The following ADAM23 variants were observed in gnomAD, a reference collection of about 807,000 sequenced individuals.
The protein encoded by ADAM23 is ADAM metallopeptidase domain 23.
Under a neutral mutation model 120.1 loss-of-function variants are expected in ADAM23, and 33 were observed. The ratio of observed to expected loss-of-function variants is 0.27; its 90% CI spans 0.21 to 0.37. The LOEUF (loss-of-function observed/expected upper bound fraction) is 0.37, where lower values mean the gene tolerates loss of function less well. Ranked by LOEUF, ADAM23 falls within the 10% of genes least tolerant of loss-of-function variation. ADAM23 has a pLI of 1.00. For missense variants in ADAM23, 862 were observed against 1,058.2 expected (o/e 0.81, Z 2.57); for synonymous variants, 367 against 375.2 (o/e 0.98, Z 0.25).
intron 3 of ADAM23, among the ~76,000 whole-genome samples, chr2:206,499,485 G>A (rs1696335165): frequency 2.2e-5 from 3 of 138,006 alleles, no homozygotes; most frequent in South Asian, 2.6e-4. Context: ...ACACACCAGG[G>A]ACTGTTGTGG....
At chr2:206,532,516 T>A (rs1697085532) in intron 4 of ADAM23, among the ~76,000 whole-genome samples, 1 of 152,104 alleles carries the variant, frequency 6.6e-6, no homozygotes, top group Non-Finnish European at 1.5e-5. Context: ...TCACTGCTTT[T>A]CTCTCTTTCA....
chr2:206,591,730 T>C (rs1698429926), intron 21 of ADAM23, among the ~76,000 whole-genome samples: 2 of 152,230 alleles, frequency 1.3e-5, no homozygotes, highest in Non-Finnish European at 2.9e-5. Context: ...TCAGACTGTT[T>C]TCTAAAATGG....
intron 25 of ADAM23, among the ~76,000 whole-genome samples, chr2:206,615,974 C>T (rs1698928605): frequency 6.6e-6 from 1 of 152,138 alleles, no homozygotes; most frequent in Admixed American, 6.5e-5. Flanking sequence ...GCTTGGTTTG[C>T]CCTTTCCTCT....
intron 24 of ADAM23, among the ~76,000 whole-genome samples, chr2:206,603,983 T>A (rs1347302788): frequency 2.7e-5 from 4 of 149,546 alleles, no homozygotes; most frequent in Middle Eastern, 3.5e-3. Flanking sequence ...AAAAAAGTTA[T>A]GACCAGGCAC....
chr2:206,457,611 A>G (rs1388666995), intron 2 of ADAM23, among the ~76,000 whole-genome samples: 3 of 152,072 alleles, frequency 2.0e-5, no homozygotes, highest in African/African-American at 7.2e-5. Context: ...CCAGATAAAT[A>G]ACCTTGTTTA....
At chr2:206,524,982 C>A (rs933351823) in intron 3 of ADAM23, among the ~76,000 whole-genome samples, 1 of 152,186 alleles carries the variant, frequency 6.6e-6, no homozygotes, top group African/African-American at 2.4e-5. Context: ...CCATGTAGAA[C>A]TCGATGTGTA....
At chr2:206,603,944 A>G (rs541576233) in intron 24 of ADAM23, among the ~76,000 whole-genome samples, 4 of 151,634 alleles carry the variant, frequency 2.6e-5, no homozygotes, top group African/African-American at 7.3e-5. Flanking sequence ...CTGAGAACCA[A>G]TGCCTGAAAC....
At chr2:206,518,313 A>T (rs1284661478) in intron 3 of ADAM23, among the ~76,000 whole-genome samples, 1 of 152,218 alleles carries the variant, frequency 6.6e-6, no homozygotes, top group East Asian at 1.9e-4. Flanking sequence ...ATTCAGTTTT[A>T]GTATTATGCA....
intron 2 of ADAM23, among the ~76,000 whole-genome samples, chr2:206,458,436 T>C (rs1004074018): frequency 2.6e-5 from 4 of 152,206 alleles, no homozygotes; most frequent in Non-Finnish European, 4.4e-5. Flanking sequence ...GCAGATGAGC[T>C]TGATTGGTCT....
chr2:206,551,529 T>G (rs974396300), intron 9 of ADAM23, among the ~76,000 whole-genome samples: 3 of 152,214 alleles, frequency 2.0e-5, no homozygotes, highest in Admixed American at 2.0e-4. Context: ...GACAAACTTA[T>G]GAAAGATTGG....
At chr2:206,469,201 A>G (rs1389159028) in intron 2 of ADAM23, among the ~76,000 whole-genome samples, 1 of 152,016 alleles carries the variant, frequency 6.6e-6, no homozygotes, top group African/African-American at 2.4e-5. Context: ...CCTATTCACA[A>G]CTCCACTTGG....
In ADAM23 at chr2:206,534,919, G is replaced by A. The variant is rs150453269; in HGVS notation, c.573+3971G>A. On this transcript the variant is annotated intron_variant, in intron 4 of 25. Transcript: ENST00000264377. Reference sequence around the variant, plus strand: ...GGGAAGGAAGAGCGGCTTGACTGCTGGGAAAGTATGTCTGTGCAGCCAGTT... The same window carrying A: ...GGGAAGGAAGAGCGGCTTGACTGCTAGGAAAGTATGTCTGTGCAGCCAGTT... Among the ~76,000 whole-genome samples the A allele has an allele frequency of 1.7e-3, 257 of 151,818 alleles. 1 individual carries two copies. Among genetic ancestry groups the A allele is most frequent in the African/African-American group, 5.8e-3 (239 of 41,378 alleles).
intron 4 of ADAM23, among the ~76,000 whole-genome samples, chr2:206,535,186 T>C (rs1697145738): frequency 6.6e-6 from 1 of 152,200 alleles, no homozygotes. Flanking sequence ...AGCTCTATAA[T>C]AAATGAAGGT....
chr2:206,468,170 T>C (rs1174343087), intron 2 of ADAM23, among the ~76,000 whole-genome samples: 1 of 152,230 alleles, frequency 6.6e-6, no homozygotes, highest in Non-Finnish European at 1.5e-5. Flanking sequence ...AGCACTTGAC[T>C]CCTTTTTCCT....
intron 15 of ADAM23, among the ~76,000 whole-genome samples, chr2:206,568,031 C>G (rs1336675433): frequency 6.6e-6 from 1 of 152,168 alleles, no homozygotes; most frequent in Non-Finnish European, 1.5e-5. Context: ...AGGTAGGTCC[C>G]TCCCTCAACA....
chr2:206,531,615 G>A (rs1697064294), intron 4 of ADAM23, among the ~76,000 whole-genome samples: 1 of 152,162 alleles, frequency 6.6e-6, no homozygotes, highest in Non-Finnish European at 1.5e-5. Flanking sequence ...TTGTATGTAA[G>A]AAACAGTGAC....
intron 18 of ADAM23, among the ~76,000 whole-genome samples, chr2:206,576,908 A>G (rs978901636): frequency 2.0e-5 from 3 of 152,188 alleles, no homozygotes; most frequent in African/African-American, 7.2e-5. Context: ...GAAATATGTC[A>G]TCTAAGTGGG....
In ADAM23 at chr2:206,464,435, C is replaced by T. The variant is rs550538096; in HGVS notation, c.433-16797C>T. ...ATTAAAAATACAAAAATTAGCCGGG[C>T]GTGGTGGCACGTGCCTGTAGTCTCA... On this transcript the variant is annotated intron_variant, in intron 2 of 25. Transcript: ENST00000264377. 1.5e-4 allele frequency among the ~76,000 whole-genome samples: 23 copies of T among 151,982 alleles called. No individual in the cohort carries two copies. In the East Asian group the frequency reaches 2.9e-3, roughly 19 times the overall value.
At chr2:206,548,052 G>C (rs554125363) in intron 7 of ADAM23, among the ~76,000 whole-genome samples, 1 of 152,290 alleles carries the variant, frequency 6.6e-6, no homozygotes, top group South Asian at 2.1e-4. Flanking sequence ...TATCAAATAT[G>C]CATCTTCTAA....
Sources: allele counts gnomAD v4.1 joint callset (sites outside exome capture counted in the v4.1 genomes callset), GRCh38; gene constraint gnomAD v4.1.1; transcripts MANE v1.5; gene names NCBI Gene and HGNC (gene_info 2026-07-23, HGNC 2026-07-21).